The following MADD variants were observed in gnomAD, a reference collection of about 807,000 sequenced individuals.
MADD encodes MAP kinase activating death domain.
In MADD, 109 loss-of-function variants were observed where a neutral mutation model predicts 176.7. That is an observed-to-expected ratio of 0.62 (90% CI 0.53 to 0.72). MADD has a LOEUF of 0.72. MADD is among the 30% of genes least tolerant of loss of function. The pLI, the probability that MADD is intolerant of heterozygous loss-of-function variation, is 0.00. For synonymous variants in MADD, 771 were observed against 771.3 expected, an observed-to-expected ratio of 1.00 and a Z score of 0.01; for missense variants, 1,914 against 2,045.5, an observed-to-expected ratio of 0.94 and a Z score of 1.24.
intron 10 of MADD, among the ~76,000 whole-genome samples, chr11:47,283,307 A>T (rs1423977247): frequency 6.6e-6 from 1 of 151,248 alleles, no homozygotes; most frequent in Non-Finnish European, 1.5e-5. Context: ...GTTAGCCAGG[A>T]TGATCTCGAT....
exon 2 of MADD, chr11:47,273,864 C>G (rs752416272): frequency 3.3e-6 from 5 of 1,521,240 alleles, no homozygotes; most frequent in Non-Finnish European, 4.6e-6. Flanking sequence ...AATGCTGACT[C>G]CTTGCTTGGT....
At chr11:47,278,743 C>A (rs577445179) in intron 6 of MADD, among the ~76,000 whole-genome samples, 1 of 151,834 alleles carries the variant, frequency 6.6e-6, no homozygotes, top group African/African-American at 2.4e-5. Flanking sequence ...TAAAAATAAG[C>A]GTAAATAAAA....
At chr11:47,313,755 T>G (rs1164803839) in intron 26 of MADD, among the ~76,000 whole-genome samples, 1 of 152,020 alleles carries the variant, frequency 6.6e-6, no homozygotes, top group Non-Finnish European at 1.5e-5. Context: ...ACCCCATTTC[T>G]TTTTGTTTGT....
At chr11:47,273,325 C>T (rs1482032035) in intron 1 of MADD, among the ~76,000 whole-genome samples, 2 of 131,806 alleles carry the variant, frequency 1.5e-5, no homozygotes, top group South Asian at 2.6e-4. Context: ...GGTAGGTGAA[C>T]CATTATTTAT....
intron 27 of MADD, among the ~76,000 whole-genome samples, chr11:47,319,564 T>C (rs1283557790): frequency 6.6e-6 from 1 of 152,244 alleles, no homozygotes; most frequent in Non-Finnish European, 1.5e-5. Flanking sequence ...TTTCAATCCT[T>C]TGTCCCAGAG....
At chr11:47,294,842 T>C (rs2069393066) in intron 20 of MADD, among the ~76,000 whole-genome samples, 1 of 152,068 alleles carries the variant, frequency 6.6e-6, no homozygotes, top group African/African-American at 2.4e-5. Context: ...AAGCTACCTA[T>C]AGTGTGACTC....
intron 12 of MADD, 66 bp downstream of exon 12, chr11:47,284,631 G>A: frequency 1.3e-6 from 2 of 1,551,378 alleles, no homozygotes; most frequent in South Asian, 1.2e-5. Flanking sequence ...TATTAGGAAA[G>A]CCAGGCTGTA....
At chr11:47,315,134 A>C in intron 26 of MADD, 86 bp from the exon 30 acceptor site, 1 of 768,436 alleles carries the variant, frequency 1.3e-6, no homozygotes, top group Non-Finnish European at 2.3e-6. Flanking sequence ...AGCCGATATG[A>C]ATTTGATTGC....
exon 19 of MADD, chr11:47,290,813 A>T: frequency 7.5e-6 from 12 of 1,609,778 alleles, no homozygotes; most frequent in Non-Finnish European, 1.0e-5. Flanking sequence ...TATAGCATCT[A>T]TTGGTACGTA....
In MADD at chr11:47,293,630, T is replaced by G. The variant is rs200499375; in HGVS notation, c.3302-253T>G. On this transcript the variant is annotated intron_variant, in intron 19 of 32. Transcript: ENST00000402192. ...GTGGAGCTTCTCTGTTTTAAGATGA[T>G]TTGCTCAGAATTTTCTCAGGTTGAG... Among the ~76,000 whole-genome samples, 20 of 152,254 alleles carry G rather than the reference T, an allele frequency of 1.3e-4. No homozygotes were observed. The East Asian group carries it at 3.3e-3, about 25-fold the overall frequency.
chr11:47,302,270 G>A (rs11493249), intron 22 of MADD, among the ~76,000 whole-genome samples: 5 of 152,044 alleles, frequency 3.3e-5, no homozygotes, highest in Non-Finnish European at 7.4e-5. Flanking sequence ...CTGGAGTGCA[G>A]TGGCGCAATC....
At chr11:47,327,763 G>C in intron 31 of MADD, 1 of 985,422 alleles carries the variant, frequency 1.0e-6, no homozygotes, top group Non-Finnish European at 1.2e-6. Context: ...CTACCTCCCA[G>C]GGTCAGAAGA....
chr11:47,308,571 C>T lies in MADD; in HGVS notation c.3643-20C>T. The T allele has an allele frequency of 6.3e-7, 1 of 1,599,506 alleles. No individual in the cohort carries two copies. The highest frequency in any genetic ancestry group is 8.6e-7 in the Non-Finnish European group (1 of 1,167,458). Reference sequence around the variant, plus strand: ...TTCATTGCTACCTCTGGCCACTGACCTATCACCTCTTCTCTCTAGGGTAAA... The same window carrying T: ...TTCATTGCTACCTCTGGCCACTGACTTATCACCTCTTCTCTCTAGGGTAAA... On this transcript the variant is annotated intron_variant, in intron 22 of 32. Coordinates refer to ENST00000402192, the Ensembl canonical transcript of MADD.
intron 27 of MADD, among the ~76,000 whole-genome samples, chr11:47,321,077 G>A (rs2094394438): frequency 6.6e-6 from 1 of 152,068 alleles, no homozygotes; most frequent in African/African-American, 2.4e-5. Flanking sequence ...TTGCCAAATT[G>A]CCATCCCAAA....
At chr11:47,276,739 T>G in exon 5 of MADD, 1 of 1,614,138 alleles carries the variant, frequency 6.2e-7, no homozygotes, top group Non-Finnish European at 8.5e-7. Context: ...CAGGTGGTGC[T>G]ACAGTCCCGA....
exon 4 of MADD, chr11:47,275,946 A>G (rs1280723775): frequency 9.9e-6 from 16 of 1,613,670 alleles, no homozygotes; most frequent in Non-Finnish European, 1.3e-5. Context: ...GTAGAGGAGA[A>G]GTCAAGTGCC....
chr11:47,324,396 A>AG (rs2095120657), intron 29 of MADD, 59 bp downstream of exon 32: 2 of 1,604,092 alleles, frequency 1.2e-6, no homozygotes, highest in African/African-American at 2.7e-5. Flanking sequence ...TCTGAGTGTC[A>AG]GGGGCCTGGC....
exon 8 of MADD, chr11:47,281,615 A>G (rs377474784): frequency 1.4e-4 from 220 of 1,611,512 alleles, no homozygotes; most frequent in Non-Finnish European, 1.6e-4. Flanking sequence ...CCCATCCTCA[A>G]TCTGGAGAAA....
intron 27 of MADD, among the ~76,000 whole-genome samples, chr11:47,317,403 C>T (rs1772189835): frequency 6.6e-6 from 1 of 152,202 alleles, no homozygotes; most frequent in Admixed American, 6.5e-5. Flanking sequence ...TTAAGTGTCT[C>T]ATAACACGTA....
Sources: allele counts gnomAD v4.1 joint callset (sites outside exome capture counted in the v4.1 genomes callset), GRCh38; gene constraint gnomAD v4.1.1; transcripts MANE v1.5; gene names NCBI Gene and HGNC (gene_info 2026-07-23, HGNC 2026-07-21).